Variants in ZNF385D observed in about 807,000 individuals in gnomAD.
ZNF385D encodes the protein zinc finger protein 659.
A neutral mutation model predicts 35.8 loss-of-function variants in ZNF385D; 15 were observed. The observed-to-expected ratio is 0.42, with a 90% CI of 0.28 to 0.64. The LOEUF (loss-of-function observed/expected upper bound fraction) is 0.64. ZNF385D is among the 30% of genes least tolerant of loss of function. ZNF385D has a pLI of 0.23. For missense variants in ZNF385D, 474 were observed against 494.6 expected (o/e 0.96, Z 0.39); for synonymous variants, 212 against 186.8 (o/e 1.13, Z -1.10).
chr3:21,561,298 G>A (rs1031724778), intron 3 of ZNF385D, among the ~76,000 whole-genome samples: 55 of 152,288 alleles, frequency 3.6e-4, no homozygotes, highest in Admixed American at 1.2e-3. Context: ...GGAATATCCT[G>A]GTCTGCGGGT....
chr3:21,471,101 C>A (rs1359096256), intron 4 of ZNF385D, among the ~76,000 whole-genome samples: 1 of 152,096 alleles, frequency 6.6e-6, no homozygotes, highest in Admixed American at 6.6e-5. Context: ...GAAAAGAAAG[C>A]ACAAATGGTT....
At chr3:21,702,018 G>A (rs1317065925) in intron 1 of ZNF385D, among the ~76,000 whole-genome samples, 4 of 152,088 alleles carry the variant, frequency 2.6e-5, no homozygotes, top group African/African-American at 7.2e-5. Context: ...TGGTGGATAT[G>A]CCATTCTCGG....
intron 3 of ZNF385D, among the ~76,000 whole-genome samples, chr3:21,998,626 TTTG>T (rs1182526629): frequency 2.0e-4 from 31 of 152,370 alleles, no homozygotes; most frequent in African/African-American, 7.0e-4. Context: ...AGCCAAGAGA[TTTG>T]TTATTAGTGT....
At chr3:22,354,074 A>G (rs990844120) in intron 2 of ZNF385D, among the ~76,000 whole-genome samples, 2 of 152,140 alleles carry the variant, frequency 1.3e-5, no homozygotes, top group African/African-American at 4.8e-5. Flanking sequence ...TGTTAACTCC[A>G]ATGCTCCATC....
intron 2 of ZNF385D, among the ~76,000 whole-genome samples, chr3:22,257,808 A>G (rs1700391799): frequency 6.6e-6 from 1 of 151,860 alleles, no homozygotes; most frequent in Admixed American, 6.6e-5. Flanking sequence ...GGCATGATTA[A>G]AATGCTGAAT....
At chr3:22,122,422 T>C (rs1398140046) in intron 3 of ZNF385D, among the ~76,000 whole-genome samples, 1 of 152,274 alleles carries the variant, frequency 6.6e-6, no homozygotes, top group Non-Finnish European at 1.5e-5. Context: ...CATAAAATTA[T>C]AGTAAGTATA....
intron 3 of ZNF385D, among the ~76,000 whole-genome samples, chr3:21,857,924 TAC>T (rs1696820206): frequency 2.0e-5 from 3 of 151,880 alleles, no homozygotes; most frequent in Non-Finnish European, 4.4e-5. Context: ...GTCCTTTAAA[TAC>T]AGTTTCAAAG....
chr3:22,001,412 G>C (rs937985520), intron 3 of ZNF385D, among the ~76,000 whole-genome samples: 1 of 151,988 alleles, frequency 6.6e-6, no homozygotes, highest in Admixed American at 6.6e-5. Flanking sequence ...TAATAATAAA[G>C]AGATCAATTC....
At chr3:22,295,870 G>A (rs568411012) in intron 2 of ZNF385D, among the ~76,000 whole-genome samples, 5 of 152,116 alleles carry the variant, frequency 3.3e-5, no homozygotes, top group Non-Finnish European at 7.4e-5. Flanking sequence ...CAATGGCATT[G>A]TTGATCAAGA....
At chr3:22,310,860 G>T (rs1016341251) in intron 2 of ZNF385D, among the ~76,000 whole-genome samples, 7 of 151,262 alleles carry the variant, frequency 4.6e-5, no homozygotes, top group Non-Finnish European at 1.0e-4. Context: ...TTTTTGATTT[G>T]TAAGTACAAT....
intron 4 of ZNF385D, among the ~76,000 whole-genome samples, chr3:21,462,044 A>C (rs17008865): frequency 0.011 from 1,620 of 152,294 alleles, 79 homozygotes; most frequent in Admixed American, 0.079. Context: ...TTGGTCACTT[A>C]TAATATTTTC....
At chr3:21,997,886 T>C (rs1695580620) in intron 3 of ZNF385D, among the ~76,000 whole-genome samples, 1 of 150,922 alleles carries the variant, frequency 6.6e-6, no homozygotes, top group African/African-American at 2.4e-5. Flanking sequence ...TGTGTGTGTG[T>C]GTGTGTGTGT....
intron 3 of ZNF385D, 105 bp from the exon 4 acceptor site, chr3:21,511,128 G>A (rs1046892181): frequency 4.2e-6 from 6 of 1,416,442 alleles, no homozygotes; most frequent in South Asian, 2.7e-5. Context: ...GGTACCATTC[G>A]AGCTAATTCT....
intron 3 of ZNF385D, among the ~76,000 whole-genome samples, chr3:22,132,663 G>A (rs1703870410): frequency 6.6e-6 from 1 of 151,812 alleles, no homozygotes; most frequent in Admixed American, 6.6e-5. Context: ...TTACTTAATA[G>A]TAATAACAAT....
chr3:22,007,367 C>T (rs896055737), intron 3 of ZNF385D, among the ~76,000 whole-genome samples: 1 of 152,154 alleles, frequency 6.6e-6, no homozygotes, highest in Non-Finnish European at 1.5e-5. Context: ...GTAAGTCTAC[C>T]ATACCATTCA....
At chr3:21,879,565 A>G (rs1015213537) in intron 3 of ZNF385D, among the ~76,000 whole-genome samples, 3 of 152,002 alleles carry the variant, frequency 2.0e-5, no homozygotes, top group African/African-American at 7.2e-5. Context: ...TGAATTTATT[A>G]CTATAGGTAT....
chr3:21,459,818 G>A (rs1485791996), intron 4 of ZNF385D, among the ~76,000 whole-genome samples: 11 of 152,190 alleles, frequency 7.2e-5, no homozygotes, highest in Admixed American at 7.2e-4. Flanking sequence ...TCTAAGATAT[G>A]TTCAAGGATA....
chr3:21,837,518 T>C (rs1052666452), intron 3 of ZNF385D, among the ~76,000 whole-genome samples: 1 of 151,952 alleles, frequency 6.6e-6, no homozygotes, highest in Non-Finnish European at 1.5e-5. Context: ...GCTTTGGAAT[T>C]TAGATGACAT....
chr3:21,782,617 G>A (rs1003391107), intron 3 of ZNF385D, among the ~76,000 whole-genome samples: 6 of 151,960 alleles, frequency 3.9e-5, no homozygotes, highest in Admixed American at 6.6e-5. Context: ...GTTACTTAAC[G>A]TCTCTGAAAT....
Sources: gnomAD v4.1 joint callset for allele counts (sites outside exome capture counted in the v4.1 genomes callset) on GRCh38, gnomAD v4.1.1 for gene constraint, MANE v1.5 for transcripts, NCBI Gene and HGNC (gene_info 2026-07-23, HGNC 2026-07-21) for gene names.